CDH2: variants seen among roughly 807,000 people sequenced by gnomAD.
The protein encoded by CDH2 is cadherin 2.
A neutral mutation model predicts 92.0 loss-of-function variants in CDH2; 17 were observed. That is an observed-to-expected ratio of 0.18 (90% confidence interval 0.13 to 0.28). CDH2 has a LOEUF of 0.28. Ranked by LOEUF, CDH2 falls within the 10% of genes least tolerant of loss-of-function variation. The pLI, the probability that CDH2 is intolerant of heterozygous loss-of-function variation, is 1.00. For synonymous variants in CDH2, 419 were observed against 415.9 expected (o/e 1.01, Z -0.09); for missense variants, 862 against 1,133.1 (o/e 0.76, Z 3.44).
At chr18:27,950,853 T>C (rs942871208), downstream of CDH2, 2 of 152,284 alleles carry the variant, frequency 1.3e-5, no homozygotes, top group African/African-American at 4.8e-5. Flanking sequence ...CGCGTTTCAA[T>C]GGTGAATAGT....
Position 28,128,804 on chromosome 18 carries a change from T to C in CDH2, c.172+18869A>G, listed in dbSNP as rs546482066. ...AATGCTGGGTTTAGCATTAACCCCA[T>C]GATTAATGAGGCTACCTTCCACAGG... On this transcript the variant is annotated intron_variant, in intron 2 of 15. Transcript: ENST00000269141. Among the ~76,000 whole-genome samples, 89 of 152,260 alleles carry C rather than the reference T, an allele frequency of 5.8e-4. 1 individual carries two copies. The highest frequency in any genetic ancestry group is 7.5e-4 in the Non-Finnish European group (51 of 68,028).
chr18:28,109,551 G>C (rs1322959654), intron 2 of CDH2, among the ~76,000 whole-genome samples: 1 of 152,102 alleles, frequency 6.6e-6, no homozygotes, highest in Non-Finnish European at 1.5e-5. Context: ...AATAGGAGGA[G>C]CTGGATAGGG....
chr18:28,021,443 C>T (rs537189086), intron 2 of CDH2, among the ~76,000 whole-genome samples: 53 of 151,770 alleles, frequency 3.5e-4, no homozygotes, highest in African/African-American at 1.1e-3. Context: ...AGTCTATACA[C>T]GATTAAATGA....
chr18:28,148,229 T>C (rs550766277), intron 1 of CDH2, among the ~76,000 whole-genome samples: 1 of 152,170 alleles, frequency 6.6e-6, no homozygotes, highest in Non-Finnish European at 1.5e-5. Context: ...GGTTTCAAGA[T>C]GCCATGTTCA....
At chr18:28,090,370 T>A (rs1420056856) in intron 2 of CDH2, among the ~76,000 whole-genome samples, 1 of 152,192 alleles carries the variant, frequency 6.6e-6, no homozygotes, top group Non-Finnish European at 1.5e-5. Flanking sequence ...TCCAAGGGCC[T>A]TTAAAAGGCA....
chr18:28,147,626 C>G, intron 2 of CDH2, 47 bp downstream of exon 2: 2 of 1,176,196 alleles, frequency 1.7e-6, no homozygotes, highest in Non-Finnish European at 2.5e-6. Flanking sequence ...TAATTTGTTT[C>G]ATGAGCATGG....
Position 28,075,573 on chromosome 18 carries a change from G to A in CDH2, c.173-61664C>T, listed in dbSNP as rs78363227. On this transcript the variant is annotated intron_variant, in intron 2 of 15. Transcript: ENST00000269141. ...CATCCTCATCAGGCTACAGTGAGAA[G>A]GGTCATCTAATTTTCCAAGCGATGC... Among the ~76,000 whole-genome samples the A allele has an allele frequency of 7.8e-3, 1,193 of 152,302 alleles. 15 individuals carry two copies. The highest frequency in any genetic ancestry group is 0.028 in the African/African-American group (1,149 of 41,560).
At chr18:28,091,310 A>G (rs2015033594) in intron 2 of CDH2, among the ~76,000 whole-genome samples, 1 of 152,186 alleles carries the variant, frequency 6.6e-6, no homozygotes, top group South Asian at 2.1e-4. Context: ...ACTTTCAGAA[A>G]TGGGAAGAAA....
At chr18:27,999,690 G>C (rs1282860547) in intron 7 of CDH2, among the ~76,000 whole-genome samples, 1 of 151,112 alleles carries the variant, frequency 6.6e-6, no homozygotes, top group Non-Finnish European at 1.5e-5. Context: ...ATATATGTGT[G>C]TGTGTGTATA....
chr18:28,062,164 G>C (rs1185265497), intron 2 of CDH2, among the ~76,000 whole-genome samples: 2 of 152,096 alleles, frequency 1.3e-5, no homozygotes, highest in African/African-American at 4.8e-5. Context: ...ACAATGAACA[G>C]CCTTATTTTT....
chr18:27,988,329 C>T (rs1168547352), intron 11 of CDH2, among the ~76,000 whole-genome samples, 195 bp downstream of exon 11: 1 of 152,114 alleles, frequency 6.6e-6, no homozygotes, highest in Non-Finnish European at 1.5e-5. Flanking sequence ...GGATGGACAT[C>T]GAGAACAGTC....
intron 2 of CDH2, among the ~76,000 whole-genome samples, chr18:28,027,534 A>G (rs2013586324): frequency 6.6e-6 from 1 of 152,134 alleles, no homozygotes; most frequent in East Asian, 1.9e-4. Flanking sequence ...AAACTGAAAA[A>G]AAATCAAAAC....
chr18:28,036,611 T>G (rs1206279250), intron 2 of CDH2: 1 of 1,142,490 alleles, frequency 8.8e-7, no homozygotes, highest in African/African-American at 1.5e-5. Flanking sequence ...AATAGGTATG[T>G]CAGAATGAAA....
chr18:28,059,188 A>T (rs1377348216), intron 2 of CDH2, among the ~76,000 whole-genome samples: 1 of 152,228 alleles, frequency 6.6e-6, no homozygotes, highest in African/African-American at 2.4e-5. Flanking sequence ...TTGGAATGAC[A>T]AAAACCCAAG....
chr18:28,054,829 C>T (rs541578348), intron 2 of CDH2, among the ~76,000 whole-genome samples: 3 of 152,286 alleles, frequency 2.0e-5, no homozygotes, highest in African/African-American at 7.2e-5. Context: ...TCTTTCTTGT[C>T]ATAATCTTTG....
intron 5 of CDH2, among the ~76,000 whole-genome samples, chr18:28,007,689 T>C (rs187465050): frequency 6.6e-6 from 1 of 152,274 alleles, no homozygotes; most frequent in East Asian, 1.9e-4. Flanking sequence ...CTTTCAATTT[T>C]ACAATTAATT....
intron 2 of CDH2, among the ~76,000 whole-genome samples, chr18:28,064,139 G>A (rs1388323918): frequency 6.6e-6 from 1 of 151,642 alleles, no homozygotes; most frequent in Non-Finnish European, 1.5e-5. Flanking sequence ...TCAAAAGAGG[G>A]GGGGGTAGGT....
At chr18:28,027,492 A>C (rs1211068025) in intron 2 of CDH2, among the ~76,000 whole-genome samples, 1 of 152,146 alleles carries the variant, frequency 6.6e-6, no homozygotes, top group Non-Finnish European at 1.5e-5. Context: ...AAAAGAAAGA[A>C]ATAACGTGCT....
intron 2 of CDH2, chr18:28,036,412 T>G (rs747313111): frequency 1.5e-5 from 13 of 839,984 alleles, no homozygotes; most frequent in Non-Finnish European, 2.3e-5. Flanking sequence ...TATGTTACTT[T>G]GTTTTCCAAG....
Sources: gnomAD v4.1 joint callset for allele counts (sites outside exome capture counted in the v4.1 genomes callset) on GRCh38, gnomAD v4.1.1 for gene constraint, MANE v1.5 for transcripts, NCBI Gene and HGNC (gene_info 2026-07-23, HGNC 2026-07-21) for gene names.